Variants in CDH20 observed in about 807,000 individuals in gnomAD.
CDH20 encodes the protein cadherin-20.
CDH20 carries 29 observed loss-of-function variants against 74.2 expected under a neutral mutation model. That is an observed-to-expected ratio of 0.39 (90% confidence interval 0.29 to 0.53). CDH20 has a LOEUF of 0.53. CDH20 is among the 20% of genes least tolerant of loss of function. The pLI, the probability that CDH20 is intolerant of heterozygous loss-of-function variation, is 0.69. For synonymous variants in CDH20, 469 were observed against 405.4 expected (o/e 1.16, Z -1.88); for missense variants, 988 against 1,048.3 (o/e 0.94, Z 0.79).
chr18:61,482,098 C>T (rs1303778010), intron 1 of CDH20, among the ~76,000 whole-genome samples: 2 of 151,718 alleles, frequency 1.3e-5, no homozygotes, highest in African/African-American at 4.8e-5. Context: ...AGGTACAGCA[C>T]CAGGACAGGG....
At chr18:61,398,820 G>A (rs766874854) in intron 1 of CDH20, among the ~76,000 whole-genome samples, 7 of 152,126 alleles carry the variant, frequency 4.6e-5, no homozygotes, top group South Asian at 2.1e-4. Context: ...AGAAGATTAC[G>A]CTAATATTAA....
chr18:61,452,606 T>A (rs550814228), intron 1 of CDH20, among the ~76,000 whole-genome samples: 3 of 152,192 alleles, frequency 2.0e-5, no homozygotes, highest in Non-Finnish European at 4.4e-5. Flanking sequence ...CAAACAGGTA[T>A]AAATAAGGCA....
At chr18:61,545,328 G>C (rs548009450) in intron 10 of CDH20, among the ~76,000 whole-genome samples, 184 bp downstream of exon 10, 1 of 145,222 alleles carries the variant, frequency 6.9e-6, no homozygotes, top group African/African-American at 2.6e-5. Context: ...GGTTGGTCTT[G>C]AACTCTTGGC....
intron 1 of CDH20, among the ~76,000 whole-genome samples, chr18:61,377,686 A>G (rs1159966424): frequency 6.6e-6 from 1 of 152,100 alleles, no homozygotes; most frequent in East Asian, 1.9e-4. Context: ...CTGTCACCAA[A>G]TCAAGATTAG....
chr18:61,547,948 T>C (rs1260425240), intron 10 of CDH20, among the ~76,000 whole-genome samples: 2 of 152,208 alleles, frequency 1.3e-5, no homozygotes, highest in African/African-American at 2.4e-5. Flanking sequence ...ATAATACTTT[T>C]ATGAATTTCG....
At chr18:61,417,009 TTC>T (rs1296972453) in intron 1 of CDH20, among the ~76,000 whole-genome samples, 1 of 152,222 alleles carries the variant, frequency 6.6e-6, no homozygotes, top group Non-Finnish European at 1.5e-5. Flanking sequence ...ATTAAAAATC[TTC>T]TCTTTGACCC....
intron 1 of CDH20, among the ~76,000 whole-genome samples, chr18:61,350,522 A>G (rs1003642212): frequency 9.2e-5 from 14 of 152,124 alleles, no homozygotes; most frequent in African/African-American, 2.9e-4. Context: ...ACTTATTATT[A>G]TCTTCTTGGG....
At chr18:61,502,704 T>C (rs1038798604) in intron 4 of CDH20, among the ~76,000 whole-genome samples, 2 of 152,212 alleles carry the variant, frequency 1.3e-5, no homozygotes. Context: ...CTGTTCACTT[T>C]CAGTAATGTT....
At chr18:61,336,949 T>G (rs189153440) in intron 1 of CDH20, among the ~76,000 whole-genome samples, 1 of 152,262 alleles carries the variant, frequency 6.6e-6, no homozygotes, top group Admixed American at 6.5e-5. Context: ...CAAAGGGCAG[T>G]TCTTCTTAGT....
At chr18:61,472,974 T>C (rs972096015) in intron 1 of CDH20, among the ~76,000 whole-genome samples, 3 of 152,230 alleles carry the variant, frequency 2.0e-5, no homozygotes, top group Admixed American at 2.0e-4. Flanking sequence ...CCACCGTGGG[T>C]TAAGACTGAT....
chr18:61,499,412 T>C lies in CDH20; in HGVS notation c.473T>C (p.Ile158Thr). Reference protein sequence around the residue: ...ESEFIIKIQDINDNEPKFLDG... With the variant: ...ESEFIIKIQDTNDNEPKFLDG... ...GAGTTCATCATCAAAATTCAAGACA[T>C]CAATGACAATGAGCCCAAGTTCCTG... Residue 158 changes from isoleucine to threonine, a missense_variant, in exon 3 of 12, where the codon ATC becomes ACC. Transcript: ENST00000262717. The C allele has an allele frequency of 6.2e-7, 1 of 1,613,978 alleles. No homozygotes were observed. The highest frequency in any genetic ancestry group is 1.7e-4 in the Middle Eastern group (1 of 6,014).
At chr18:61,402,686 TTC>T (rs1393434141) in intron 1 of CDH20, among the ~76,000 whole-genome samples, 1 of 152,178 alleles carries the variant, frequency 6.6e-6, no homozygotes, top group Non-Finnish European at 1.5e-5. Context: ...ATTTAGAAAA[TTC>T]TGTTTAAGTC....
intron 1 of CDH20, among the ~76,000 whole-genome samples, chr18:61,417,910 C>T (rs1912743490): frequency 6.6e-6 from 1 of 152,144 alleles, no homozygotes; most frequent in Non-Finnish European, 1.5e-5. Context: ...ATCAAAATAT[C>T]ACATGTACCT....
At chr18:61,503,147 G>A (rs566485595) in intron 5 of CDH20, 27 bp downstream of exon 5, 18 of 1,546,912 alleles carry the variant, frequency 1.2e-5, no homozygotes, top group Non-Finnish European at 1.5e-5. Context: ...AGAGAGCACA[G>A]ACCTCGGGCC....
chr18:61,403,474 C>T (rs1209156108), intron 1 of CDH20, among the ~76,000 whole-genome samples: 1 of 152,188 alleles, frequency 6.6e-6, no homozygotes. Flanking sequence ...CATATTAGGA[C>T]TTTTGTCTTA....
chr18:61,367,334 A>G (rs955180665), intron 1 of CDH20, among the ~76,000 whole-genome samples: 1 of 152,186 alleles, frequency 6.6e-6, no homozygotes, highest in African/African-American at 2.4e-5. Context: ...AGGAAGTCAG[A>G]TTTCATACTA....
chr18:61,473,592 A>G (rs1910263574), intron 1 of CDH20, among the ~76,000 whole-genome samples: 1 of 152,238 alleles, frequency 6.6e-6, no homozygotes, highest in African/African-American at 2.4e-5. Flanking sequence ...TCTTTTACCA[A>G]CATAGAAAAG....
intron 1 of CDH20, among the ~76,000 whole-genome samples, chr18:61,480,124 A>G (rs1459160104): frequency 6.6e-6 from 1 of 152,194 alleles, no homozygotes; most frequent in East Asian, 1.9e-4. Flanking sequence ...ACCAAAGAAT[A>G]GGTGGAGGCT....
intron 1 of CDH20, among the ~76,000 whole-genome samples, chr18:61,432,264 AC>A (rs1231543021): frequency 1.1e-3 from 163 of 149,572 alleles, no homozygotes; most frequent in African/African-American, 3.6e-3. Flanking sequence ...AAAAAAAAAA[AC>A]ACAAAGATTA....
Sources: allele counts gnomAD v4.1 joint callset (sites outside exome capture counted in the v4.1 genomes callset), GRCh38; gene constraint gnomAD v4.1.1; transcripts MANE v1.5; gene names NCBI Gene and HGNC (gene_info 2026-07-23, HGNC 2026-07-21).